The following AP1B1 variants were observed in gnomAD, a reference collection of about 807,000 sequenced individuals.
The protein encoded by AP1B1 is adaptor related protein complex 1 subunit beta 1, also known as AP-1 complex subunit beta-1.
A neutral mutation model predicts 104.3 loss-of-function variants in AP1B1; 36 were observed. The ratio of observed to expected loss-of-function variants is 0.35; its 90% confidence interval spans 0.26 to 0.46. The LOEUF (loss-of-function observed/expected upper bound fraction) is 0.46. AP1B1 is among the 20% of genes least tolerant of loss of function. AP1B1 has a pLI of 1.00. For missense variants in AP1B1, 901 were observed against 1,247.9 expected (o/e 0.72, Z 4.19); for synonymous variants, 504 against 517.5 (o/e 0.97, Z 0.35).
At chr22:29,349,883 T>C in intron 10 of AP1B1, 152 bp downstream of exon 10, 1 of 657,998 alleles carries the variant, frequency 1.5e-6, no homozygotes, top group Non-Finnish European at 2.7e-6. Context: ...GGAGGGGCAG[T>C]GTGGACGAAA....
At position 29,385,611 on chromosome 22, in the gene AP1B1, A is replaced by T. The variant is rs187451933; in HGVS notation, c.-28+2813T>A. Among the ~76,000 whole-genome samples the T allele has an allele frequency of 2.0e-5, 3 of 152,306 alleles. No homozygotes were observed. In the East Asian group the frequency reaches 5.8e-4, roughly 29 times the overall value. On this transcript the variant is annotated intron_variant, in intron 1 of 22. Coordinates refer to ENST00000357586, the MANE Select transcript of AP1B1 (RefSeq NM_001127.4). Reference sequence around the variant, plus strand: ...CAGAATTTTCTTTAAGGATTCCCCAACTGCTCTGTTGACATTTTTTCTCAG... The same window carrying T: ...CAGAATTTTCTTTAAGGATTCCCCATCTGCTCTGTTGACATTTTTTCTCAG...
At chr22:29,386,808 T>C (rs1602844324) in intron 1 of AP1B1, among the ~76,000 whole-genome samples, 1 of 152,176 alleles carries the variant, frequency 6.6e-6, no homozygotes. Flanking sequence ...TGAGGCAGAA[T>C]TGAAGCAAGT....
At chr22:29,354,893 G>A (rs762957421) in intron 6 of AP1B1, 22 bp from the exon 7 acceptor site, 19 of 1,595,026 alleles carry the variant, frequency 1.2e-5, no homozygotes, top group East Asian at 4.5e-5. Flanking sequence ...CCATTCCAAC[G>A]GGGCAAACAG....
At chr22:29,329,814 A>G (rs1158570789) in intron 21 of AP1B1, 94 bp from the exon 22 acceptor site, 3 of 1,579,208 alleles carry the variant, frequency 1.9e-6, no homozygotes, top group African/African-American at 1.3e-5. Flanking sequence ...ACAGCCCCCC[A>G]CCGACCAGCA....
At chr22:29,329,050 G>A (rs977307936) in intron 22 of AP1B1, 155 bp from the exon 23 acceptor site, 19 of 1,439,376 alleles carry the variant, frequency 1.3e-5, no homozygotes, top group Middle Eastern at 5.1e-4. Context: ...GAGGTAAAGC[G>A]GAGGGGGCGG....
chr22:29,351,961 G>A, intron 7 of AP1B1, 136 bp from the exon 8 acceptor site: 4 of 1,196,528 alleles, frequency 3.3e-6, no homozygotes, highest in Non-Finnish European at 4.7e-6. Flanking sequence ...TCACTGCCAT[G>A]GCTGCAAGCT....
intron 2 of AP1B1, among the ~76,000 whole-genome samples, chr22:29,363,388 G>C: frequency 6.6e-6 from 1 of 152,206 alleles, no homozygotes. Context: ...AGTGGCTCAT[G>C]CCTGTAATCC....
chr22:29,328,815 G>A lies in AP1B1; in HGVS notation c.*6C>T, dbSNP rs370329968. ...CAGAAGGCTGGGGTGGGCGCTGGCC[G>A]GGGTCTCAGTTCTTGAGGATGGTCT... On this transcript the variant is annotated 3_prime_UTR_variant, in exon 23 of 23. Transcript: ENST00000357586. The surrounding 1 kb of genome is among the most constrained non-coding windows in gnomAD (Gnocchi z 4.1). 34 of 1,603,262 alleles carry A rather than the reference G, an allele frequency of 2.1e-5. No individual in the cohort carries two copies. The highest frequency in any genetic ancestry group is 1.7e-4 in the South Asian group (15 of 88,674).
rs778536914 is a variant in AP1B1 at position 29,356,443 on chromosome 22, G to A, written c.699C>T (p.Asp233=). ...LDCLANYMPK[D]DREAQSICER... ...CCGCTCACCTCTGGGCCTCGCGGTC[G>A]TCCTTGGGCATATAGTTGGCGAGGC... is the stretch of plus-strand genomic sequence containing the variant. The change falls in exon 6 of 23, where the codon GAC becomes GAT. Residue 233 remains aspartate, a synonymous_variant. Transcript: ENST00000357586. The A allele has an allele frequency of 2.4e-5, 38 of 1,613,542 alleles. No homozygotes were observed. In the Middle Eastern group the frequency reaches 4.9e-4, roughly 21 times the overall value.
At position 29,349,043 on chromosome 22, in the gene AP1B1, T is replaced by G. The variant is rs112869404; in HGVS notation, c.1437+175A>C. On this transcript the variant is annotated intron_variant, in intron 11 of 22. Transcript: ENST00000357586. ...CCACAGACTCTCACGTGTCCCCGAC[T>G]CGACTGTACTGCAGTGAGGAGGAAA... Among the ~76,000 whole-genome samples, 5,138 of 152,310 alleles carry G rather than the reference T, an allele frequency of 0.034. 269 individuals are homozygous for G. Among genetic ancestry groups the G allele is most frequent in the African/African-American group, 0.12 (4,918 of 41,564 alleles).
At chr22:29,357,952 C>G (rs886876407) in intron 5 of AP1B1, among the ~76,000 whole-genome samples, 5 of 152,088 alleles carry the variant, frequency 3.3e-5, no homozygotes, top group African/African-American at 1.2e-4. Context: ...TCCCAAAGTG[C>G]TGGGATTACA....
intron 13 of AP1B1, 65 bp downstream of exon 13, chr22:29,341,436 G>T (rs1412778306): frequency 7.0e-6 from 11 of 1,568,366 alleles, no homozygotes; most frequent in Non-Finnish European, 9.5e-6. Flanking sequence ...AGGCCTGAGT[G>T]CCTGTGCTGC....
chr22:29,344,485 C>T (rs80275574), intron 11 of AP1B1, among the ~76,000 whole-genome samples: 222 of 149,594 alleles, frequency 1.5e-3, no homozygotes, highest in African/African-American at 5.1e-3. Context: ...CAGGGCCAGA[C>T]GCTGGGCTGA....
intron 14 of AP1B1, among the ~76,000 whole-genome samples, chr22:29,340,131 G>A (rs1052841537): frequency 6.6e-6 from 1 of 152,174 alleles, no homozygotes; most frequent in Non-Finnish European, 1.5e-5. Context: ...CCAGTTGCCT[G>A]AGGAAGCCCC....
In AP1B1 at chr22:29,348,219, C is replaced by T. The variant is rs372279595; in HGVS notation, c.1437+999G>A. On this transcript the variant is annotated intron_variant, in intron 11 of 22. Transcript: ENST00000357586. ...GTGCCTTTGCAGTCATTTGCAAATA[C>T]GTGCAGAACCGTGAAAGCTTTCAGT... 8.5e-5 allele frequency among the ~76,000 whole-genome samples: 13 copies of T among 152,342 alleles called. No individual in the cohort carries two copies. In the South Asian group the frequency reaches 1.7e-3, roughly 19 times the overall value.
chr22:29,388,158 T>C (rs951594789), intron 1 of AP1B1, among the ~76,000 whole-genome samples: 20 of 152,358 alleles, frequency 1.3e-4, no homozygotes, highest in African/African-American at 4.8e-4. Flanking sequence ...GGGGAATTCC[T>C]CGGGGCCTAA....
intron 1 of AP1B1, among the ~76,000 whole-genome samples, chr22:29,373,075 C>T (rs1231430868): frequency 6.6e-6 from 1 of 152,076 alleles, no homozygotes; most frequent in African/African-American, 2.4e-5. Context: ...TGCTTGAGGC[C>T]AGGAGTTTGA....
chr22:29,366,213 C>T (rs1480693154), intron 2 of AP1B1, among the ~76,000 whole-genome samples: 1 of 152,176 alleles, frequency 6.6e-6, no homozygotes, highest in Non-Finnish European at 1.5e-5. Context: ...AACCAAAATA[C>T]CCAATGATAT....
intron 1 of AP1B1, among the ~76,000 whole-genome samples, chr22:29,374,115 C>T (rs1278905779): frequency 6.6e-6 from 1 of 151,196 alleles, no homozygotes; most frequent in East Asian, 2.0e-4. Context: ...GTGGGAGAAT[C>T]GCTTGAACCC....
Sources: allele counts gnomAD v4.1 joint callset (sites outside exome capture counted in the v4.1 genomes callset), GRCh38; gene constraint gnomAD v4.1.1; non-coding constraint Gnocchi (gnomAD v3.1); transcripts MANE v1.5; gene names NCBI Gene and HGNC (gene_info 2026-07-23, HGNC 2026-07-21).